The following IFIH1 variants were observed in gnomAD, a reference collection of about 807,000 sequenced individuals.
The protein encoded by IFIH1 is interferon induced with helicase C domain 1, also known as interferon-induced helicase C domain-containing protein 1.
IFIH1 carries 125 observed loss-of-function variants against 107.4 expected under a neutral mutation model. The ratio of observed to expected loss-of-function variants is 1.16; its 90% CI spans 1.01 to 1.35. The LOEUF (loss-of-function observed/expected upper bound fraction) is 1.35. Ranked by LOEUF, IFIH1 falls within the 40% of genes most tolerant of loss-of-function variation. The pLI, the probability that IFIH1 is intolerant of heterozygous loss-of-function variation, is 0.00. For missense variants in IFIH1, 1,333 were observed against 1,213.7 expected, an observed-to-expected ratio of 1.10 and a Z score of -1.46; for synonymous variants, 458 against 413.2, an observed-to-expected ratio of 1.11 and a Z score of -1.31.
chr2:162,276,728 T>C lies in IFIH1; in HGVS notation c.2263A>G (p.Ile755Val). 1.2e-6 allele frequency: 2 copies of C among 1,614,024 alleles called. No individual in the cohort carries two copies. The highest frequency in any genetic ancestry group is 1.7e-6 in the Non-Finnish European group (2 of 1,179,934). The change falls in exon 11 of 16, where the codon ATT becomes GTT. Residue 755 changes from isoleucine (I) to valine (V), a missense_variant. Physicochemically the swap from Ile to Val is conservative, Grantham distance 29. Transcript: ENST00000649979. Reference sequence around the variant, plus strand: ...AACTCACTGCTGTGTCCAGCTCCAATCAGATGGTGGGCTTTGACTCCTACT... The same window carrying C: ...AACTCACTGCTGTGTCCAGCTCCAACCAGATGGTGGGCTTTGACTCCTACT... ...AEVGVKAHHL[I>V]GAGHSSEFKP... is the part of the protein sequence containing the mutation.
intron 1 of IFIH1, among the ~76,000 whole-genome samples, chr2:162,314,391 CCTCCCTCCTTTCTTTCTTTCTTTCT>C: frequency 1.7e-5 from 1 of 58,488 alleles, no homozygotes; most frequent in East Asian, 6.0e-4. Flanking sequence ...TCCCTCCCTC[CCTCCCTCCTTTCTTTCTTTCTTTCT>C]TTTCTTTCTT....
chr2:162,294,050 T>C (rs1448673300), intron 3 of IFIH1, among the ~76,000 whole-genome samples: 1 of 151,972 alleles, frequency 6.6e-6, no homozygotes, highest in Non-Finnish European at 1.5e-5. Context: ...TGAGGTCTTT[T>C]CATTTAAAAT....
chr2:162,284,217 A>C (rs1682859709), intron 5 of IFIH1, among the ~76,000 whole-genome samples: 1 of 151,856 alleles, frequency 6.6e-6, no homozygotes, highest in Non-Finnish European at 1.5e-5. Flanking sequence ...CATTTTCTAG[A>C]AGTATTCTTT....
At position 162,310,724 on chromosome 2, in the gene IFIH1, G is replaced by C. The variant is rs775987877; in HGVS notation, c.622+41C>G. The stretch of plus-strand genomic sequence containing the variant: ...TGCTTTATTGAATTCTCAATCACTA[G>C]GCAGAATTTGAAGAATCTTCCTCAG... On this transcript the variant is annotated intron_variant, in intron 2 of 15. Transcript: ENST00000649979. 52 of 1,536,016 alleles carry C rather than the reference G, an allele frequency of 3.4e-5. No individual in the cohort carries two copies. The Admixed American group carries it at 8.8e-4, about 26-fold the overall frequency.
At chr2:162,273,773 A>G (rs1691092221) in intron 12 of IFIH1, 22 bp downstream of exon 12, 6 of 1,489,160 alleles carry the variant, frequency 4.0e-6, no homozygotes, top group Non-Finnish European at 3.6e-6. Context: ...TTAACATAGT[A>G]AGTAGAGGTA....
In IFIH1 at chr2:162,277,535, CTA is replaced by C. The variant is rs2105197614; in HGVS notation, c.1922_1923del (p.Ile641ArgfsTer3). 1.3e-6 allele frequency: 2 copies of C among 1,592,332 alleles called. No homozygotes were observed. The highest frequency in any genetic ancestry group is 1.7e-6 in the Non-Finnish European group (2 of 1,160,466). ...TCACCACCCTCATCACTATCATCTT[CTA>C]TGACTGCAAACTTCTTATCTTTCTC... is the stretch of plus-strand genomic sequence containing the variant. Reference protein sequence around the residue: ...NEEKDKKFAVIEDDSDEGGDD... With the variant: ...NEEKDKKFAVXEDDSDEGGDD... On this transcript the variant is annotated frameshift_variant, in exon 10 of 16. Coordinates refer to ENST00000649979, the MANE Select transcript of IFIH1 (RefSeq NM_022168.4). LOFTEE classifies it high-confidence loss of function.
chr2:162,310,765 C>A lies in IFIH1; in HGVS notation c.622G>T (p.Glu208Ter). 1 of 1,612,246 alleles carries A rather than the reference C, an allele frequency of 6.2e-7. No individual in the cohort carries two copies. The highest frequency in any genetic ancestry group is 1.7e-4 in the Middle Eastern group (1 of 6,054). The change falls in exon 2 of 16, where the codon GAG becomes TAG. Residue 208 changes from glutamate to a stop codon, truncating the protein, a stop_gained and splice_region_variant. Coordinates refer to ENST00000649979, the MANE Select transcript of IFIH1 (RefSeq NM_022168.4). LOFTEE classifies it high-confidence loss of function. ...TCTTCCTCAGTAAAATTACAAATAC[C>A]TGCATTGCTTTCTGAGCAATCAGAG... ...TGSDCSESNA[E>*]IENLSQVDGP...
chr2:162,310,677 G>A (rs957536145), intron 2 of IFIH1, 88 bp downstream of exon 2: 10 of 1,035,924 alleles, frequency 9.7e-6, no homozygotes, highest in African/African-American at 3.2e-5. Context: ...TAAAAATCTT[G>A]GTGTTTAGCA....
chr2:162,305,002 C>T (rs1683256351), intron 3 of IFIH1, among the ~76,000 whole-genome samples: 1 of 152,100 alleles, frequency 6.6e-6, no homozygotes, highest in South Asian at 2.1e-4. Context: ...GCTATCGAGG[C>T]ATTATTTAAA....
Position 162,267,526 on chromosome 2 carries a change from A to G in IFIH1, c.2851T>C (p.Cys951Arg), listed in dbSNP as rs781344166. 1 of 1,613,940 alleles carries G rather than the reference A, an allele frequency of 6.2e-7. No homozygotes were observed. Among genetic ancestry groups the G allele is most frequent in the South Asian group, 1.1e-5 (1 of 91,084 alleles). ...TCACCATTTATTTGATAGTCGGCAC[A>G]CTTCTTTTGCAGTGCTTTGTTTTCT... ...VRENKALQKK[C>R]ADYQINGEII... Residue 951 changes from cysteine (C) to arginine (R), a missense_variant, in exon 15 of 16, where the codon TGT (cysteine) becomes CGT (arginine). By Grantham distance (180) the Cys-to-Arg change is radical. Transcript: ENST00000649979.
At chr2:162,305,339 TG>T (rs922995872) in intron 3 of IFIH1, among the ~76,000 whole-genome samples, 9 of 151,398 alleles carry the variant, frequency 5.9e-5, no homozygotes, top group Non-Finnish European at 1.2e-4. Context: ...GGAGGCCGAG[TG>T]GGGGGGATCA....
At chr2:162,292,809 T>C (rs1683017163) in intron 4 of IFIH1, among the ~76,000 whole-genome samples, 1 of 151,970 alleles carries the variant, frequency 6.6e-6, no homozygotes, top group East Asian at 1.9e-4. Context: ...AGGTATGTAA[T>C]AGAAACCCAC....
chr2:162,292,722 T>A (rs1053566392), intron 4 of IFIH1, among the ~76,000 whole-genome samples: 2 of 151,860 alleles, frequency 1.3e-5, no homozygotes, highest in Non-Finnish European at 2.9e-5. Flanking sequence ...GCTGGCCCCT[T>A]GCAAAGCATT....
At chr2:162,281,753 G>A (rs1011416732) in intron 6 of IFIH1, among the ~76,000 whole-genome samples, 10 of 151,934 alleles carry the variant, frequency 6.6e-5, no homozygotes, top group African/African-American at 2.4e-4. Flanking sequence ...GAAACTCCCT[G>A]TTAGACATTC....
Position 162,281,510 on chromosome 2 carries a change from T to A in IFIH1, c.1342A>T (p.Thr448Ser). 1 of 1,611,302 alleles carries A rather than the reference T, an allele frequency of 6.2e-7. No homozygotes were observed. The highest frequency in any genetic ancestry group is 1.3e-5 in the African/African-American group (1 of 74,864). ...TTATTATACACTGCTTCTTTGTTGG[T>A]GTGATGACATTCATCAATGATAATG... ...SLIIIDECHHTNKEAVYNNIM... is the reference protein window; with the variant it reads ...SLIIIDECHHSNKEAVYNNIM... The change falls in exon 7 of 16, where the codon ACC becomes TCC. Residue 448 changes from threonine (T) to serine (S), a missense_variant. Thr to Ser is a moderately conservative substitution (Grantham distance 58, BLOSUM62 1). Transcript: ENST00000649979.
chr2:162,267,197 G>T lies in IFIH1; in HGVS notation c.*3C>A. ...GTATTTTAAAAGAATCTTCAATCAA[G>T]TGCTAATCCTCATCACTAAATAAAC... On this transcript the variant is annotated 3_prime_UTR_variant, in exon 16 of 16. Coordinates refer to ENST00000649979, the MANE Select transcript of IFIH1 (RefSeq NM_022168.4). 1 of 1,570,500 alleles carries T rather than the reference G, an allele frequency of 6.4e-7. No individual in the cohort carries two copies. Among genetic ancestry groups the T allele is most frequent in the Non-Finnish European group, 8.6e-7 (1 of 1,160,910 alleles).
intron 6 of IFIH1, 62 bp downstream of exon 6, chr2:162,282,304 C>CA (rs1460960837): frequency 1.9e-6 from 2 of 1,028,050 alleles, no homozygotes; most frequent in East Asian, 5.4e-5. Flanking sequence ...TTAACAAATA[C>CA]AGCCTTTGTT....
intron 1 of IFIH1, among the ~76,000 whole-genome samples, chr2:162,316,682 T>A (rs1032444580): frequency 6.6e-6 from 1 of 152,168 alleles, no homozygotes; most frequent in African/African-American, 2.4e-5. Context: ...GTGAAAATCA[T>A]AGAGTGGTGT....
At position 162,318,356 on chromosome 2, in the gene IFIH1, T is replaced by C. The variant is rs1683557247; in HGVS notation, c.-49A>G. 1 of 1,488,828 alleles carries C rather than the reference T, an allele frequency of 6.7e-7. No individual in the cohort carries two copies. Among genetic ancestry groups the C allele is most frequent in the South Asian group, 1.2e-5 (1 of 83,576 alleles). 92.2% of individuals were successfully genotyped at this position (1,488,828 alleles called of 1,614,324 possible). ...GGGTTCTCCCAAGCAGATGGTGCTGTTGTCTGCGGGACAGGTGAAATGTGC... is the reference window on the plus strand; with the variant it reads ...GGGTTCTCCCAAGCAGATGGTGCTGCTGTCTGCGGGACAGGTGAAATGTGC... On this transcript the variant is annotated 5_prime_UTR_variant, in exon 1 of 16. Coordinates refer to ENST00000649979, the MANE Select transcript of IFIH1 (RefSeq NM_022168.4).
Sources: gnomAD v4.1 joint callset for allele counts (sites outside exome capture counted in the v4.1 genomes callset) on GRCh38, gnomAD v4.1.1 for gene constraint, MANE v1.5 for transcripts, NCBI Gene and HGNC (gene_info 2026-07-23, HGNC 2026-07-21) for gene names.